HCN1: variants seen among roughly 807,000 people sequenced by gnomAD.
HCN1 encodes hyperpolarization activated cyclic nucleotide gated potassium channel 1, also known as potassium/sodium hyperpolarization-activated cyclic nucleotide-gated channel 1.
In HCN1, 13 loss-of-function variants were observed where a neutral mutation model predicts 78.9. That is an observed-to-expected ratio of 0.16 (90% CI 0.11 to 0.26). The LOEUF is 0.26. Ranked by LOEUF, HCN1 falls within the 10% of genes least tolerant of loss-of-function variation. The pLI is 1.00. For missense variants in HCN1, 810 were observed against 1,154.3 expected, an observed-to-expected ratio of 0.70 and a Z score of 4.32; for synonymous variants, 552 against 455.5, an observed-to-expected ratio of 1.21 and a Z score of -2.70.
intron 2 of HCN1, among the ~76,000 whole-genome samples, chr5:45,613,035 G>C (rs1744871848): frequency 6.6e-6 from 1 of 151,902 alleles, no homozygotes; most frequent in African/African-American, 2.4e-5. Flanking sequence ...TTAAGTTTTA[G>C]GGTACATGTG....
At chr5:45,270,731 G>A (rs905572765) in intron 6 of HCN1, among the ~76,000 whole-genome samples, 1 of 151,754 alleles carries the variant, frequency 6.6e-6, no homozygotes, top group African/African-American at 2.4e-5. Context: ...GAAATTACTT[G>A]GAATTATTTT....
intron 5 of HCN1, among the ~76,000 whole-genome samples, chr5:45,327,875 A>T (rs1160823467): frequency 6.6e-6 from 1 of 151,612 alleles, no homozygotes; most frequent in Non-Finnish European, 1.5e-5. Flanking sequence ...ACCTGCCAAT[A>T]CCTCGATCTC....
chr5:45,262,010 G>C lies in HCN1; in HGVS notation c.2584C>G (p.Pro862Ala). Residue 862 changes from proline to alanine, a missense_variant, in exon 8 of 8, where the codon CCA becomes GCA. Coordinates refer to ENST00000303230, the MANE Select transcript of HCN1 (RefSeq NM_021072.4). Reference sequence around the variant, plus strand: ...TCTCTTGGAAGAGCAGCTGCTGGTGGAGGGGGTGCTGGAGGGACTCCTCGG... The same window carrying C: ...TCTCTTGGAAGAGCAGCTGCTGGTGCAGGGGGTGCTGGAGGGACTCCTCGG... The part of the protein sequence containing the change: ...PNRGVPPAPP[P>A]PAAALPRESS... The C allele has an allele frequency of 6.2e-7, 1 of 1,614,166 alleles. No homozygotes were observed. The highest frequency in any genetic ancestry group is 8.5e-7 in the Non-Finnish European group (1 of 1,180,028).
chr5:45,304,415 T>G lies in HCN1; in HGVS notation c.1378-576A>C, dbSNP rs112712616. 1.7e-4 allele frequency among the ~76,000 whole-genome samples: 26 copies of G among 152,182 alleles called. 1 individual carries two copies. Among genetic ancestry groups the G allele is most frequent in the African/African-American group, 6.0e-4 (25 of 41,568 alleles). ...TAAATTCATCAGGTGCAGTGGCTCA[T>G]GGCTGTAATTCCAGCACTTTGGGAG... On this transcript the variant is annotated intron_variant, in intron 5 of 7. Coordinates refer to ENST00000303230, the MANE Select transcript of HCN1 (RefSeq NM_021072.4).
chr5:45,462,494 A>G (rs1197066359), intron 2 of HCN1, among the ~76,000 whole-genome samples: 11 of 152,164 alleles, frequency 7.2e-5, no homozygotes, highest in Non-Finnish European at 1.5e-4. Context: ...AATAAATTAC[A>G]GTTAAATTTA....
At chr5:45,539,757 A>T (rs10805694) in intron 2 of HCN1, among the ~76,000 whole-genome samples, 102,959 of 147,312 alleles carry the variant, frequency 0.7, 36,219 homozygotes, top group Middle Eastern at 0.82. Flanking sequence ...TATAAAAATA[A>T]ATGTACAATT....
At chr5:45,470,077 G>A (rs1175997799) in intron 2 of HCN1, among the ~76,000 whole-genome samples, 9 of 152,038 alleles carry the variant, frequency 5.9e-5, no homozygotes, top group Non-Finnish European at 8.8e-5. Flanking sequence ...AAACTGTTAA[G>A]ATGAAAGCAA....
rs1368087631 is a variant in HCN1 at position 45,565,659 on chromosome 5, C to A, written c.849+79526G>T. 2.0e-5 allele frequency among the ~76,000 whole-genome samples: 3 copies of A among 151,712 alleles called. No individual in the cohort carries two copies. In the East Asian group the frequency reaches 5.8e-4, roughly 29 times the overall value. ...GCAACATAGAGAGACCTCACCTCTA[C>A]AAAAAAATCAAAAAAATAGCTGGGT... On this transcript the variant is annotated intron_variant, in intron 2 of 7. Transcript: ENST00000303230.
chr5:45,480,473 T>C lies in HCN1; in HGVS notation c.850-18466A>G, dbSNP rs138242030. On this transcript the variant is annotated intron_variant, in intron 2 of 7. Transcript: ENST00000303230. ...CTCATTAAGTTTGAGCATTTGAATG[T>C]CAGCTGGAAGAGATGGCATTTATAT... Among the ~76,000 whole-genome samples, 15 of 152,298 alleles carry C rather than the reference T, an allele frequency of 9.8e-5. No homozygotes were observed. The East Asian group carries it at 2.5e-3, about 25-fold the overall frequency.
chr5:45,338,481 T>C (rs1746509852), intron 5 of HCN1, among the ~76,000 whole-genome samples: 1 of 152,172 alleles, frequency 6.6e-6, no homozygotes, highest in Non-Finnish European at 1.5e-5. Context: ...GTATACACAT[T>C]TTAATATTTT....
chr5:45,419,655 C>A (rs1217405533), intron 3 of HCN1, among the ~76,000 whole-genome samples: 1 of 152,078 alleles, frequency 6.6e-6, no homozygotes, highest in Non-Finnish European at 1.5e-5. Flanking sequence ...TAATGGAGAA[C>A]CCTGAAAGAA....
intron 2 of HCN1, among the ~76,000 whole-genome samples, chr5:45,616,825 A>G (rs767370456): frequency 2.6e-5 from 4 of 152,150 alleles, no homozygotes; most frequent in Non-Finnish European, 4.4e-5. Flanking sequence ...TTTAATCAAA[A>G]TAAAGTAACT....
intron 5 of HCN1, among the ~76,000 whole-genome samples, chr5:45,320,066 T>C (rs1222930406): frequency 6.6e-6 from 1 of 151,868 alleles, no homozygotes; most frequent in African/African-American, 2.4e-5. Context: ...AGAGTAATCT[T>C]AACAAAATAG....
chr5:45,695,561 C>G, intron 1 of HCN1, 108 bp downstream of exon 1: 2 of 1,127,098 alleles, frequency 1.8e-6, no homozygotes, highest in South Asian at 2.7e-5. Context: ...GGCAGCGCCA[C>G]CCCCCGCCCG....
intron 4 of HCN1, among the ~76,000 whole-genome samples, chr5:45,382,063 G>A (rs1020308330): frequency 6.6e-6 from 1 of 151,986 alleles, no homozygotes; most frequent in Non-Finnish European, 1.5e-5. Context: ...CCATCTCAGC[G>A]GCTGTGTACT....
chr5:45,395,159 C>CA (rs530209232), intron 4 of HCN1, among the ~76,000 whole-genome samples: 61 of 141,988 alleles, frequency 4.3e-4, no homozygotes, highest in Admixed American at 1.3e-3. Flanking sequence ...TGATGCAGAC[C>CA]AAAAAAAAAA....
At chr5:45,392,288 A>C (rs931939935) in intron 4 of HCN1, among the ~76,000 whole-genome samples, 2 of 152,174 alleles carry the variant, frequency 1.3e-5, no homozygotes, top group African/African-American at 4.8e-5. Context: ...CTATGGAATA[A>C]ATTTATGTGG....
At chr5:45,287,081 G>C (rs147524012) in intron 6 of HCN1, among the ~76,000 whole-genome samples, 1 of 148,636 alleles carries the variant, frequency 6.7e-6, no homozygotes, top group East Asian at 2.0e-4. Context: ...GAAGGTATGC[G>C]TGTGTGTGTG....
chr5:45,396,078 AG>A (rs570825686), intron 4 of HCN1, among the ~76,000 whole-genome samples: 15 of 151,934 alleles, frequency 9.9e-5, no homozygotes, highest in African/African-American at 3.4e-4. Context: ...ATTATAGATG[AG>A]GGGGGGTACA....
Sources: allele counts gnomAD v4.1 joint callset (sites outside exome capture counted in the v4.1 genomes callset), GRCh38; gene constraint gnomAD v4.1.1; transcripts MANE v1.5; gene names NCBI Gene and HGNC (gene_info 2026-07-23, HGNC 2026-07-21).